Variants in WDPCP observed in about 807,000 individuals in gnomAD.
The protein encoded by WDPCP is WD repeat-containing and planar cell polarity effector protein fritz homolog.
A neutral mutation model predicts 93.1 loss-of-function variants in WDPCP; 71 were observed. The ratio of observed to expected loss-of-function variants is 0.76; its 90% CI spans 0.63 to 0.93. The LOEUF (loss-of-function observed/expected upper bound fraction) is 0.93, where lower values mean the gene tolerates loss of function less well. Among genes scored for constraint, WDPCP ranks in the 40% least tolerant of loss-of-function variants. The pLI is 0.00. For synonymous variants in WDPCP, 315 were observed against 315.0 expected (o/e 1.00, Z 0.00); for missense variants, 844 against 887.4 (o/e 0.95, Z 0.62).
rs568529772 is a variant in WDPCP, at chr2:63,809,233, T to A, written n.308+4389A>T. The stretch of plus-strand genomic sequence containing the variant: ...AGGGGCGCCTCTGCCCGGCTGCCCC[T>A]ACTAGGAAGTGAGGAGCCCCTCTGC... On this transcript the variant is annotated intron_variant and non_coding_transcript_variant, in intron 2 of 4. Transcript: ENST00000467687. Among the ~76,000 whole-genome samples, 36 of 149,708 alleles carry A rather than the reference T, an allele frequency of 2.4e-4. 1 individual carries two copies. In the South Asian group the frequency reaches 7.4e-3, roughly 31 times the overall value.
chr2:63,292,840 G>A (rs547647749), intron 13 of WDPCP, among the ~76,000 whole-genome samples: 48 of 152,326 alleles, frequency 3.2e-4, no homozygotes, highest in Non-Finnish European at 6.2e-4. Context: ...ACTGAGGCTT[G>A]CAACTTTTAG....
chr2:63,497,100 A>G (rs544994828), intron 1 of WDPCP, among the ~76,000 whole-genome samples: 51 of 123,276 alleles, frequency 4.1e-4, no homozygotes, highest in African/African-American at 1.6e-3. Flanking sequence ...TGACAGAGTG[A>G]GACTCCATCT....
At chr2:63,153,455 T>C in intron 16 of WDPCP, 40 bp downstream of exon 16, 1 of 1,491,060 alleles carries the variant, frequency 6.7e-7, no homozygotes, top group Non-Finnish European at 9.3e-7. Context: ...ATAGTTTTTC[T>C]GTTATACTTT....
At chr2:63,152,892 A>G in intron 17 of WDPCP, 22 bp downstream of exon 17, 1 of 1,606,892 alleles carries the variant, frequency 6.2e-7, no homozygotes, top group Non-Finnish European at 8.5e-7. Flanking sequence ...ATGTCTAGTA[A>G]TAAACAGAGA....
intron 12 of WDPCP, among the ~76,000 whole-genome samples, chr2:63,326,262 C>T (rs1316101199): frequency 6.6e-6 from 1 of 152,180 alleles, no homozygotes; most frequent in African/African-American, 2.4e-5. Context: ...TGACTGCCAA[C>T]AAATTATAGT....
chr2:63,593,639 A>G, upstream of WDPCP: 1 of 471,740 alleles, frequency 2.1e-6, no homozygotes, highest in Non-Finnish European at 4.4e-6. Flanking sequence ...GTAGGGGTAA[A>G]GGTGACAGTG....
In WDPCP at chr2:63,437,131, C is replaced by T. The variant is rs765927880; in HGVS notation, c.633+290G>A. On this transcript the variant is annotated intron_variant, in intron 8 of 17. Transcript: ENST00000272321. ...AATGGTATATATACTACCACTGGCA[C>T]GAAAACCATTTTCAAAAGTGTAACT... Among the ~76,000 whole-genome samples the T allele has an allele frequency of 7.2e-5, 11 of 151,942 alleles. 1 individual carries two copies. Among genetic ancestry groups the T allele is most frequent in the Admixed American group, 3.9e-4 (6 of 15,236 alleles).
chr2:63,424,079 T>C (rs1696070899), intron 9 of WDPCP, among the ~76,000 whole-genome samples: 1 of 151,382 alleles, frequency 6.6e-6, no homozygotes, highest in South Asian at 2.1e-4. Flanking sequence ...AAGGAAGGGG[T>C]GAGTGAAGTG....
At chr2:63,689,392 GAA>G (rs1668858709) in intron 2 of WDPCP, among the ~76,000 whole-genome samples, 1 of 152,122 alleles carries the variant, frequency 6.6e-6, no homozygotes, top group South Asian at 2.1e-4. Context: ...TTTCTCCACT[GAA>G]AAGCTTTTCA....
At chr2:63,611,430 C>G (rs545103720) in intron 3 of WDPCP, among the ~76,000 whole-genome samples, 9 of 152,218 alleles carry the variant, frequency 5.9e-5, no homozygotes, top group Non-Finnish European at 1.3e-4. Flanking sequence ...ACTGTCCTTT[C>G]TAACCCCCCA....
intron 12 of WDPCP, among the ~76,000 whole-genome samples, chr2:63,336,902 T>C (rs1465947463): frequency 6.8e-6 from 1 of 147,222 alleles, no homozygotes; most frequent in Non-Finnish European, 1.5e-5. Context: ...TCACTTTTTT[T>C]TTTTTTTTTT....
At chr2:63,197,217 A>C (rs1675507590) in intron 14 of WDPCP, among the ~76,000 whole-genome samples, 1 of 151,944 alleles carries the variant, frequency 6.6e-6, no homozygotes, top group South Asian at 2.1e-4. Context: ...ATGATAATTC[A>C]CTTTCATTTA....
chr2:63,196,438 C>T (rs761485156), intron 14 of WDPCP, among the ~76,000 whole-genome samples: 11 of 152,152 alleles, frequency 7.2e-5, no homozygotes, highest in Non-Finnish European at 1.3e-4. Context: ...TTTGAAAATA[C>T]AGCTTTCATG....
chr2:63,750,455 G>C (rs1183742295), intron 2 of WDPCP, among the ~76,000 whole-genome samples: 3 of 151,894 alleles, frequency 2.0e-5, no homozygotes, highest in African/African-American at 7.3e-5. Context: ...CCTGAATACA[G>C]AGATAGTTTT....
chr2:63,263,147 G>C (rs1681791843), intron 13 of WDPCP, among the ~76,000 whole-genome samples: 1 of 152,122 alleles, frequency 6.6e-6, no homozygotes, highest in Non-Finnish European at 1.5e-5. Flanking sequence ...TCTGGTGAAA[G>C]ACATATCTAG....
intron 12 of WDPCP, among the ~76,000 whole-genome samples, chr2:63,361,051 G>A (rs1369275181): frequency 3.3e-5 from 5 of 152,186 alleles, no homozygotes; most frequent in African/African-American, 1.2e-4. Context: ...TCTTCCAGCC[G>A]CAGATCTTAG....
intron 6 of WDPCP, among the ~76,000 whole-genome samples, chr2:63,480,155 A>T (rs1369475353): frequency 6.6e-6 from 1 of 152,144 alleles, no homozygotes; most frequent in Admixed American, 6.6e-5. Context: ...AAAGAAAAAA[A>T]ATATTTAGAT....
chr2:63,381,812 T>C, intron 11 of WDPCP, 94 bp downstream of exon 11: 1 of 1,306,762 alleles, frequency 7.7e-7, no homozygotes, highest in South Asian at 1.3e-5. Context: ...TAATCTCCAA[T>C]ACCATGACTC....
At chr2:63,460,273 G>A (rs1340113382) in intron 6 of WDPCP, among the ~76,000 whole-genome samples, 1 of 152,104 alleles carries the variant, frequency 6.6e-6, no homozygotes, top group East Asian at 1.9e-4. Context: ...ATATATGGGA[G>A]CTAAAAGCTT....
Sources: gnomAD v4.1 joint callset for allele counts (sites outside exome capture counted in the v4.1 genomes callset) on GRCh38, gnomAD v4.1.1 for gene constraint, MANE v1.5 for transcripts, NCBI Gene and HGNC (gene_info 2026-07-23, HGNC 2026-07-21) for gene names.